The following GAPVD1 variants were observed in gnomAD, a reference collection of about 807,000 sequenced individuals.
GAPVD1 encodes the protein GTPase activating protein and VPS9 domains 1, also known as GTPase-activating protein and VPS9 domain-containing protein 1.
GAPVD1 carries 35 observed loss-of-function variants against 155.5 expected under a neutral mutation model. That is an observed-to-expected ratio of 0.23 (90% CI 0.17 to 0.30). GAPVD1 has a LOEUF of 0.30. GAPVD1 is among the 10% of genes least tolerant of loss of function. The probability of loss-of-function intolerance (pLI) is 1.00; values close to 1 mark genes in which losing one functional copy is unlikely to be tolerated. For missense variants in GAPVD1, 1,429 were observed against 1,775.7 expected, an observed-to-expected ratio of 0.80 and a Z score of 3.51; for synonymous variants, 636 against 619.7, an observed-to-expected ratio of 1.03 and a Z score of -0.39.
intron 18 of GAPVD1, 180 bp downstream of exon 18, chr9:125,341,444 G>T (rs1847838253): frequency 3.9e-6 from 2 of 506,642 alleles, no homozygotes; most frequent in Non-Finnish European, 6.9e-6. Context: ...CTTTAGAAAT[G>T]TTCTTGTTCT....
chr9:125,329,895 T>TG (rs2131751577), intron 12 of GAPVD1, among the ~76,000 whole-genome samples, 183 bp from the exon 13 acceptor site: 2 of 152,330 alleles, frequency 1.3e-5, no homozygotes, highest in African/African-American at 4.8e-5. Context: ...TTGGCCAGGC[T>TG]GGTGTTGAAC....
chr9:125,353,753 T>C (rs1849636393), intron 23 of GAPVD1, among the ~76,000 whole-genome samples: 1 of 152,162 alleles, frequency 6.6e-6, no homozygotes, highest in South Asian at 2.1e-4. Flanking sequence ...CTCTTGAGAC[T>C]TAGTATCACG....
intron 3 of GAPVD1, among the ~76,000 whole-genome samples, chr9:125,298,361 T>G (rs998507834): frequency 1.3e-5 from 2 of 152,134 alleles, no homozygotes; most frequent in African/African-American, 2.4e-5. Flanking sequence ...AGTGAGCTTT[T>G]TTTTCTTTTT....
In GAPVD1 at chr9:125,317,442, A is replaced by G. The variant is rs527393551; in HGVS notation, c.1603-3991A>G. On this transcript the variant is annotated intron_variant, in intron 9 of 27. Coordinates refer to ENST00000297933, the MANE Select transcript of GAPVD1 (RefSeq NM_001282680.3). ...GGAGTTTGAGACCAGCCTGAGCAAC[A>G]TGGAGAAACCCTGTCTCTACTAAAA... Among the ~76,000 whole-genome samples, 253 of 152,002 alleles carry G rather than the reference A, an allele frequency of 1.7e-3. 1 individual carries two copies. The highest frequency in any genetic ancestry group is 5.9e-3 in the African/African-American group (244 of 41,500).
chr9:125,287,135 T>A (rs941794091), intron 2 of GAPVD1, among the ~76,000 whole-genome samples: 1 of 152,104 alleles, frequency 6.6e-6, no homozygotes, highest in African/African-American at 2.4e-5. Flanking sequence ...TATTGCCATG[T>A]GCATACTGTA....
intron 9 of GAPVD1, among the ~76,000 whole-genome samples, chr9:125,318,788 A>G (rs1374262847): frequency 6.6e-6 from 1 of 151,824 alleles, no homozygotes; most frequent in African/African-American, 2.4e-5. Context: ...GGTGGCTCAC[A>G]CCTGTAATCC....
intron 2 of GAPVD1, among the ~76,000 whole-genome samples, chr9:125,284,429 C>T (rs182276482): frequency 4.7e-5 from 7 of 148,530 alleles, no homozygotes; most frequent in East Asian, 2.0e-4. Context: ...CCGCTCACCT[C>T]GGCTTCCCAA....
Position 125,342,286 on chromosome 9 carries a change from C to A in GAPVD1, c.3033C>A (p.Phe1011Leu). 6.3e-7 allele frequency: 1 copy of A among 1,582,430 alleles called. No individual in the cohort carries two copies. The highest frequency in any genetic ancestry group is 1.3e-5 in the African/African-American group (1 of 74,406). The part of the protein sequence containing the change: ...KDKDDLGPDR[F>L]STLTDDPSPR... ...AAGATGATCTGGGGCCTGACAGATT[C>A]TCAACACTCACAGGTTTGTAGACCC... Residue 1011 changes from phenylalanine (F) to leucine (L), a missense_variant, in exon 19 of 28, where the codon TTC (phenylalanine) becomes TTA (leucine). Around this residue, in one of 4 missense-constraint regions of GAPVD1, gnomAD observed 699 missense variants for 826.0 expected, o/e 0.85. Transcript: ENST00000297933.
intron 15 of GAPVD1, among the ~76,000 whole-genome samples, chr9:125,334,129 A>G (rs762661074): frequency 6.6e-6 from 1 of 151,900 alleles, no homozygotes; most frequent in Admixed American, 6.6e-5. Context: ...TGAAGTCACA[A>G]CTGTTTTCAT....
chr9:125,349,524 T>G lies in GAPVD1; in HGVS notation c.3299+5T>G. Reference sequence around the variant, plus strand: ...GGATTCAGCTTTCTCTTACAGGTATTTCTTTTATAGGATTTGGGACTTTAG... The same window carrying G: ...GGATTCAGCTTTCTCTTACAGGTATGTCTTTTATAGGATTTGGGACTTTAG... On this transcript the variant is annotated splice_donor_5th_base_variant and intron_variant, in intron 21 of 27. Transcript: ENST00000297933. The G allele has an allele frequency of 6.2e-7, 1 of 1,613,654 alleles. No individual in the cohort carries two copies. The highest frequency in any genetic ancestry group is 8.5e-7 in the Non-Finnish European group (1 of 1,179,576).
intron 2 of GAPVD1, among the ~76,000 whole-genome samples, chr9:125,276,434 G>A (rs1363500998): frequency 1.3e-5 from 2 of 152,070 alleles, no homozygotes; most frequent in African/African-American, 4.8e-5. Context: ...TGTTACACCT[G>A]TAATCCCAGC....
intron 9 of GAPVD1, among the ~76,000 whole-genome samples, chr9:125,319,489 C>T (rs1317175797): frequency 6.6e-6 from 1 of 151,692 alleles, no homozygotes; most frequent in Non-Finnish European, 1.5e-5. Flanking sequence ...ACTGCAACCT[C>T]CACTTCCCAG....
chr9:125,312,490 C>T lies in GAPVD1; in HGVS notation c.1480C>T (p.Leu494=). The T allele has an allele frequency of 1.3e-6, 2 of 1,599,768 alleles. No homozygotes were observed. The highest frequency in any genetic ancestry group is 1.7e-6 in the Non-Finnish European group (2 of 1,174,674). The part of the protein sequence containing the change: ...SRSRTNMLMD[L]HMDHEGSSQE... ...AAGCCGCACCAATATGCTAATGGAC[C>T]TACATATGGACCATGAAGGATCATC... Residue 494 remains leucine (L), a synonymous_variant, in exon 9 of 28, where the codon CTA becomes TTA. Transcript: ENST00000297933.
chr9:125,353,297 C>T (rs568009044), intron 23 of GAPVD1, among the ~76,000 whole-genome samples: 30 of 152,274 alleles, frequency 2.0e-4, no homozygotes, highest in African/African-American at 6.7e-4. Context: ...ACCTTTGCAC[C>T]AGTTCCCAAC....
rs900137954 is a variant in GAPVD1 at position 125,366,781 on chromosome 9, A to AT, written c.*4037dup. 6.6e-6 allele frequency: 1 copy of AT among 152,202 alleles called. No individual in the cohort carries two copies. The highest frequency in any genetic ancestry group is 2.4e-5 in the African/African-American group (1 of 41,458). The allele number at this position is 152,202 out of a possible 1,614,324, so 9.4% of individuals were successfully genotyped here. A position where few individuals can be genotyped will look rare whatever the true frequency, so the allele number is the denominator to read the frequency against. ...AAGTAGTAGGACAAGGAATAGCTTT[A>AT]TTACTCTTGAGAACACTTGGATAAA... On this transcript the variant is annotated 3_prime_UTR_variant, in exon 28 of 28. Transcript: ENST00000297933.
chr9:125,337,157 C>T, intron 16 of GAPVD1, 62 bp downstream of exon 16: 1 of 1,604,374 alleles, frequency 6.2e-7, no homozygotes, highest in Non-Finnish European at 8.5e-7. Context: ...ACCAAATCCC[C>T]TTGTTAATGC....
rs117922913 is a variant in GAPVD1 at position 125,355,913 on chromosome 9, G to A, written c.3971+56G>A. Reference sequence around the variant, plus strand: ...GAACTACATAGGGATCTACCAGGTAGCCCATATTTTAGGCAAGCTATACGT... The same window carrying A: ...GAACTACATAGGGATCTACCAGGTAACCCATATTTTAGGCAAGCTATACGT... On this transcript the variant is annotated intron_variant, in intron 25 of 27. Coordinates refer to ENST00000297933, the MANE Select transcript of GAPVD1 (RefSeq NM_001282680.3). 15,730 of 988,224 alleles carry A rather than the reference G, an allele frequency of 0.016. 166 individuals carry two copies. The highest frequency in any genetic ancestry group is 0.021 in the Non-Finnish European group (12,606 of 611,600). The allele number at this position is 988,224 out of a possible 1,614,324, so 61.2% of individuals were successfully genotyped here.
At chr9:125,317,350 G>A (rs1334077732) in intron 9 of GAPVD1, among the ~76,000 whole-genome samples, 3 of 151,444 alleles carry the variant, frequency 2.0e-5, no homozygotes, top group East Asian at 1.9e-4. Context: ...CTTGATGGCC[G>A]GGCGGTGGCT....
At chr9:125,326,238 C>T (rs978101649) in intron 11 of GAPVD1, among the ~76,000 whole-genome samples, 178 bp from the exon 12 acceptor site, 8 of 152,188 alleles carry the variant, frequency 5.3e-5, no homozygotes, top group Non-Finnish European at 8.8e-5. Flanking sequence ...AATTGATAGG[C>T]CAGGCACAGT....
Sources: gnomAD v4.1 joint callset for allele counts (sites outside exome capture counted in the v4.1 genomes callset) on GRCh38, gnomAD v4.1.1 for gene constraint, gnomAD v4.1.1 regional missense constraint, MANE v1.5 for transcripts, NCBI Gene and HGNC (gene_info 2026-07-23, HGNC 2026-07-21) for gene names.